The following SGCZ variants were observed in gnomAD, a reference collection of about 807,000 sequenced individuals.
The protein encoded by SGCZ is sarcoglycan zeta, also known as zeta-sarcoglycan.
Under a neutral mutation model 41.3 loss-of-function variants are expected in SGCZ, and 40 were observed. The observed-to-expected ratio is 0.97, with a 90% CI of 0.75 to 1.26. SGCZ has a LOEUF of 1.26. SGCZ is among the 50% of genes most tolerant of loss of function. The pLI is 0.00. For missense variants in SGCZ, 552 were observed against 369.8 expected, an observed-to-expected ratio of 1.49 and a Z score of -4.04; for synonymous variants, 206 against 137.5, an observed-to-expected ratio of 1.50 and a Z score of -3.49.
intron 1 of SGCZ, among the ~76,000 whole-genome samples, chr8:14,651,547 G>C (rs1807398143): frequency 6.6e-6 from 1 of 151,980 alleles, no homozygotes; most frequent in Non-Finnish European, 1.5e-5. Context: ...CCTCTCTTTT[G>C]TGTTTTCTTA....
intron 1 of SGCZ, among the ~76,000 whole-genome samples, chr8:14,985,528 C>T (rs897718700): frequency 5.3e-5 from 8 of 152,142 alleles, no homozygotes; most frequent in African/African-American, 1.9e-4. Context: ...CAGAGTCTGA[C>T]CTCAGTGCCT....
intron 2 of SGCZ, among the ~76,000 whole-genome samples, chr8:14,446,424 G>C (rs943640484): frequency 6.6e-6 from 1 of 152,082 alleles, no homozygotes; most frequent in African/African-American, 2.4e-5. Context: ...GACCACCCTG[G>C]TTGGCAACTT....
intron 2 of SGCZ, among the ~76,000 whole-genome samples, chr8:14,441,488 T>C (rs1274834531): frequency 6.6e-6 from 1 of 152,132 alleles, no homozygotes; most frequent in Non-Finnish European, 1.5e-5. Context: ...GGCAGGAACA[T>C]CACTTGAACC....
chr8:15,162,740 T>G (rs1260557891), intron 1 of SGCZ, among the ~76,000 whole-genome samples: 1 of 152,228 alleles, frequency 6.6e-6, no homozygotes, highest in Non-Finnish European at 1.5e-5. Context: ...TCTCATGATC[T>G]GTGTAACCAT....
intron 1 of SGCZ, among the ~76,000 whole-genome samples, chr8:15,004,831 A>G (rs1802544667): frequency 6.6e-6 from 1 of 152,130 alleles, no homozygotes; most frequent in South Asian, 2.1e-4. Context: ...ACACTAGGTG[A>G]CAATGAGGGT....
intron 2 of SGCZ, among the ~76,000 whole-genome samples, chr8:14,338,451 T>C (rs1206555749): frequency 6.6e-6 from 1 of 152,136 alleles, no homozygotes; most frequent in Non-Finnish European, 1.5e-5. Flanking sequence ...CTTTGGACAA[T>C]TCTCAAGAGC....
At chr8:14,171,480 T>C (rs1413830344) in intron 4 of SGCZ, among the ~76,000 whole-genome samples, 1 of 152,002 alleles carries the variant, frequency 6.6e-6, no homozygotes, top group Non-Finnish European at 1.5e-5. Flanking sequence ...GGTAGTATAA[T>C]CTCCTAGTAC....
intron 1 of SGCZ, among the ~76,000 whole-genome samples, chr8:15,051,136 C>T (rs935348129): frequency 6.6e-6 from 1 of 152,090 alleles, no homozygotes; most frequent in Non-Finnish European, 1.5e-5. Context: ...CCTTCTTCAC[C>T]TGCAGAAATT....
intron 1 of SGCZ, among the ~76,000 whole-genome samples, chr8:14,636,055 A>C (rs1447523845): frequency 6.6e-6 from 1 of 151,664 alleles, no homozygotes; most frequent in African/African-American, 2.4e-5. Flanking sequence ...GACGAAACTA[A>C]CCTAGTAAAG....
chr8:14,959,197 T>C (rs1254266457), intron 1 of SGCZ, among the ~76,000 whole-genome samples: 3 of 152,108 alleles, frequency 2.0e-5, no homozygotes, highest in Non-Finnish European at 4.4e-5. Context: ...ATATCAGAAG[T>C]TATTCACATG....
At chr8:14,695,460 T>C (rs1292681686) in intron 1 of SGCZ, among the ~76,000 whole-genome samples, 1 of 152,108 alleles carries the variant, frequency 6.6e-6, no homozygotes, top group Non-Finnish European at 1.5e-5. Flanking sequence ...TAAGAGGATA[T>C]TTATCATAAC....
At chr8:14,164,249 TA>T (rs928919560) in intron 5 of SGCZ, among the ~76,000 whole-genome samples, 1 of 152,160 alleles carries the variant, frequency 6.6e-6, no homozygotes, top group African/African-American at 2.4e-5. Context: ...TCTTTTATTT[TA>T]AAATAATACT....
chr8:14,916,708 C>G (rs937591077), intron 1 of SGCZ, among the ~76,000 whole-genome samples: 1 of 152,128 alleles, frequency 6.6e-6, no homozygotes, highest in African/African-American at 2.4e-5. Context: ...AATCTAGACA[C>G]GAGTAAAGTT....
chr8:15,194,414 T>TC lies in SGCZ; in HGVS notation c.39+43170dup, dbSNP rs1456668924. ...ACTTGTGTGGTAGGTACAATAATATTCCCCCATACACACATGCCATGATGC... is the reference window on the plus strand; with the variant it reads ...ACTTGTGTGGTAGGTACAATAATATTCCCCCCATACACACATGCCATGATGC... On this transcript the variant is annotated intron_variant, in intron 1 of 7. Transcript: ENST00000382080. Among the ~76,000 whole-genome samples the TC allele has an allele frequency of 5.3e-5, 8 of 152,044 alleles. No individual in the cohort carries two copies. In the East Asian group the frequency reaches 1.4e-3, roughly 26 times the overall value.
intron 5 of SGCZ, among the ~76,000 whole-genome samples, chr8:14,122,290 C>CA (rs1219685041): frequency 8.3e-4 from 125 of 150,696 alleles, no homozygotes; most frequent in African/African-American, 2.2e-3. Context: ...AAAAACAAAA[C>CA]AAAACAAAAG....
At chr8:15,110,808 A>C (rs1446624687) in intron 1 of SGCZ, among the ~76,000 whole-genome samples, 1 of 152,096 alleles carries the variant, frequency 6.6e-6, no homozygotes, top group Non-Finnish European at 1.5e-5. Flanking sequence ...GTCTCTACTA[A>C]AAATACAAAA....
At chr8:14,963,673 T>G (rs919998750) in intron 1 of SGCZ, among the ~76,000 whole-genome samples, 3 of 152,154 alleles carry the variant, frequency 2.0e-5, no homozygotes, top group Non-Finnish European at 1.5e-5. Flanking sequence ...AATTTTCAAA[T>G]AGTATTGTTT....
At chr8:14,899,789 G>T (rs1798900498) in intron 1 of SGCZ, among the ~76,000 whole-genome samples, 1 of 151,946 alleles carries the variant, frequency 6.6e-6, no homozygotes, top group Admixed American at 6.6e-5. Flanking sequence ...ACAGAGGGAG[G>T]AATACAGGAA....
intron 1 of SGCZ, among the ~76,000 whole-genome samples, chr8:14,853,005 C>G (rs572449930): frequency 1.3e-5 from 2 of 152,294 alleles, no homozygotes; most frequent in South Asian, 2.1e-4. Flanking sequence ...GCCACACTTA[C>G]CAGCCAGAGG....
Sources: allele counts gnomAD v4.1 joint callset (sites outside exome capture counted in the v4.1 genomes callset), GRCh38; gene constraint gnomAD v4.1.1; transcripts MANE v1.5; gene names NCBI Gene and HGNC (gene_info 2026-07-23, HGNC 2026-07-21).